RXRB: variants seen among roughly 807,000 people sequenced by gnomAD.
RXRB encodes retinoic acid receptor RXR-beta.
In RXRB, 18 loss-of-function variants were observed where a neutral mutation model predicts 52.5. The ratio of observed to expected loss-of-function variants is 0.34; its 90% CI spans 0.24 to 0.51. RXRB has a LOEUF of 0.51. Among genes scored for constraint, RXRB ranks in the 20% least tolerant of loss-of-function variants. The pLI is 0.97. For synonymous variants in RXRB, 233 were observed against 267.1 expected, an observed-to-expected ratio of 0.87 and a Z score of 1.25; for missense variants, 455 against 698.2, an observed-to-expected ratio of 0.65 and a Z score of 3.92.
At position 33,197,710 on chromosome 6, in the gene RXRB, A is replaced by G. The variant is rs1034022582; in HGVS notation, c.820+52T>C. ...CAGAGAGGTACACAGTCTGAGTGGG[A>G]TAAGGGAGAAGGGCATGTGGTCTAA... On this transcript the variant is annotated intron_variant, in intron 4 of 9. Coordinates refer to ENST00000374680, the MANE Select transcript of RXRB (RefSeq NM_021976.5). The surrounding 1 kb of genome is among the most constrained non-coding windows in gnomAD (Gnocchi z 4.4). 1.3e-6 allele frequency: 2 copies of G among 1,563,382 alleles called. No individual in the cohort carries two copies. Among genetic ancestry groups the G allele is most frequent in the Non-Finnish European group, 1.8e-6 (2 of 1,138,566 alleles).
Position 33,198,482 on chromosome 6 carries a change from G to A in RXRB, c.484-18C>T. The stretch of plus-strand genomic sequence containing the variant: ...GAGTTAATCTGGGATGGGGGAAATA[G>A]GGAAGTCACAGGAAGACTTATTGGG... On this transcript the variant is annotated intron_variant, in intron 2 of 9. Coordinates refer to ENST00000374680, the MANE Select transcript of RXRB (RefSeq NM_021976.5). 1 of 1,611,468 alleles carries A rather than the reference G, an allele frequency of 6.2e-7. No homozygotes were observed. The highest frequency in any genetic ancestry group is 1.1e-5 in the South Asian group (1 of 91,054).
Position 33,200,391 on chromosome 6 carries a change from T to C in RXRB, c.86A>G (p.His29Arg). 6.4e-7 allele frequency: 1 copy of C among 1,565,428 alleles called. No individual in the cohort carries two copies. Among genetic ancestry groups the C allele is most frequent in the Non-Finnish European group, 8.6e-7 (1 of 1,157,280 alleles). ...CGPVGVRKEM[H>R]CGVASRWRRR... ...CCGCCACCGGGACGCGACCCCACAA[T>C]GCATTTCTTTTCGCACCCCCACCGG... The change falls in exon 1 of 10, where the codon CAT (histidine) becomes CGT (arginine). Residue 29 changes from histidine (H) to arginine (R), a missense_variant. Coordinates refer to ENST00000374680, the MANE Select transcript of RXRB (RefSeq NM_021976.5). The surrounding 1 kb of genome is among the most constrained non-coding windows in gnomAD (Gnocchi z 6.3).
chr6:33,198,085 T>C lies in RXRB; in HGVS notation c.641-144A>G, dbSNP rs2744528. 2.9e-6 allele frequency: 3 copies of C among 1,050,808 alleles called. No individual in the cohort carries two copies. In the African/African-American group the frequency reaches 4.8e-5, roughly 17 times the overall value. 65.1% of individuals were successfully genotyped at this position (1,050,808 alleles called of 1,614,324 possible). On this transcript the variant is annotated intron_variant, in intron 3 of 9. Transcript: ENST00000374680. ...TAGGGAACCAGGAGCTGAGTGATGA[T>C]CCAGTCCCAGTCTCCTCACTGTTCA...
chr6:33,194,370 G>T lies in RXRB; in HGVS notation c.*312C>A. ...AAGATGAGAAGGAAGCAAGGTCCTGGAGGCAAGGCCAGTGCTTTGTGCTGG... is the reference window on the plus strand; with the variant it reads ...AAGATGAGAAGGAAGCAAGGTCCTGTAGGCAAGGCCAGTGCTTTGTGCTGG... On this transcript the variant is annotated 3_prime_UTR_variant, in exon 10 of 10. Coordinates refer to ENST00000374680, the MANE Select transcript of RXRB (RefSeq NM_021976.5). This position sits in a 1 kb window ranked among gnomAD's most constrained non-coding sequence, Gnocchi z 4.1. 1 of 337,324 alleles carries T rather than the reference G, an allele frequency of 3.0e-6. No homozygotes were observed. The allele number at this position is 337,324 out of a possible 1,614,324, so 20.9% of individuals were successfully genotyped here.
At position 33,197,724 on chromosome 6, in the gene RXRB, C is replaced by A. The variant is rs1214314506; in HGVS notation, c.820+38G>T. On this transcript the variant is annotated intron_variant, in intron 4 of 9. Coordinates refer to ENST00000374680, the MANE Select transcript of RXRB (RefSeq NM_021976.5). This position sits in a 1 kb window ranked among gnomAD's most constrained non-coding sequence, Gnocchi z 4.4. ...GTCTGAGTGGGATAAGGGAGAAGGG[C>A]ATGTGGTCTAAGACGCCTGGGCAGG... The A allele has an allele frequency of 6.2e-7, 1 of 1,600,352 alleles. No homozygotes were observed. Among genetic ancestry groups the A allele is most frequent in the Non-Finnish European group, 8.5e-7 (1 of 1,169,676 alleles).
chr6:33,196,586 G>C lies in RXRB; in HGVS notation c.841C>G (p.Arg281Gly). 6.2e-7 allele frequency: 1 copy of C among 1,605,838 alleles called. No individual in the cohort carries two copies. The highest frequency in any genetic ancestry group is 8.5e-7 in the Non-Finnish European group (1 of 1,175,992). The change falls in exon 5 of 10, where the codon CGG (arginine) becomes GGG (glycine). Residue 281 changes from arginine to glycine, a missense_variant. Arg to Gly is a moderately radical substitution (Grantham distance 125). This residue lies in a region of RXRB where 100 missense variants were observed against 141.9 expected (regional missense o/e 0.70). Transcript: ENST00000374680. The surrounding 1 kb of genome is among the most constrained non-coding windows in gnomAD (Gnocchi z 4.0). Reference sequence around the variant, plus strand: ...CCATCCCCATCCTTGTCCTTTCCCCGCTGACGCTCCTCCTGTACCGCTGCA... The same window carrying C: ...CCATCCCCATCCTTGTCCTTTCCCCCCTGACGCTCCTCCTGTACCGCTGCA... ...KREAVQEERQ[R>G]GKDKDGDGEG... is the part of the protein sequence containing the mutation.
intron 3 of RXRB, 60 bp from the exon 4 acceptor site, chr6:33,198,001 C>T: frequency 1.3e-6 from 2 of 1,550,640 alleles, no homozygotes; most frequent in Non-Finnish European, 1.8e-6. Flanking sequence ...ACCATTTAGT[C>T]TGTTTCCAAT....
Position 33,200,168 on chromosome 6 carries a change from C to CGGGGGAGGGTGT in RXRB, c.235+62_235+73dup. On this transcript the variant is annotated intron_variant, in intron 1 of 9. Transcript: ENST00000374680. This position sits in a 1 kb window ranked among gnomAD's most constrained non-coding sequence, Gnocchi z 6.3. ...GGCGGGAGCGCAAGGAAAAGAGCACCGGGGGAGGGTGTGGGGGAGGGGTCG... is the reference window on the plus strand; with the variant it reads ...GGCGGGAGCGCAAGGAAAAGAGCACCGGGGGAGGGTGTGGGGGAGGGTGTGGGGGAGGGGTCG... The CGGGGGAGGGTGT allele has an allele frequency of 6.4e-7, 1 of 1,563,702 alleles. No homozygotes were observed. Among genetic ancestry groups the CGGGGGAGGGTGT allele is most frequent in the Non-Finnish European group, 8.7e-7 (1 of 1,148,892 alleles).
Position 33,200,517 on chromosome 6 carries a change from G to C in RXRB, c.-41C>G, listed in dbSNP as rs1309808817. The C allele has an allele frequency of 1.9e-6, 3 of 1,543,678 alleles. No homozygotes were observed. Among genetic ancestry groups the C allele is most frequent in the South Asian group, 1.2e-5 (1 of 82,896 alleles). The stretch of plus-strand genomic sequence containing the variant: ...GTAGGGATACCGAAGAGGTCCCAGG[G>C]ATTCCCAAGGATTGATCGGAGGATT... On this transcript the variant is annotated 5_prime_UTR_variant, in exon 1 of 10. The change creates a new upstream start codon in the 5' untranslated region. Coordinates refer to ENST00000374680, the MANE Select transcript of RXRB (RefSeq NM_021976.5). This position sits in a 1 kb window ranked among gnomAD's most constrained non-coding sequence, Gnocchi z 6.3.
At chr6:33,199,882 AG>A in intron 1 of RXRB, 1 of 645,674 alleles carries the variant, frequency 1.5e-6, no homozygotes, top group South Asian at 1.4e-5. Flanking sequence ...CTCTATTCCC[AG>A]CGTAAAGCCA....
chr6:33,200,398 C>A lies in RXRB; in HGVS notation c.79G>T (p.Glu27Ter), dbSNP rs1279215697. The A allele has an allele frequency of 6.4e-7, 1 of 1,567,260 alleles. No individual in the cohort carries two copies. Among genetic ancestry groups the A allele is most frequent in the Non-Finnish European group, 8.6e-7 (1 of 1,158,068 alleles). The change falls in exon 1 of 10, where the codon GAA becomes TAA. Residue 27 changes from glutamate (E) to a stop codon, truncating the protein, a stop_gained. Coordinates refer to ENST00000374680, the MANE Select transcript of RXRB (RefSeq NM_021976.5). LOFTEE classifies it high-confidence loss of function. This position sits in a 1 kb window ranked among gnomAD's most constrained non-coding sequence, Gnocchi z 6.3. ...CGGGACGCGACCCCACAATGCATTT[C>A]TTTTCGCACCCCCACCGGCCCACAC... is the stretch of plus-strand genomic sequence containing the variant. The part of the protein sequence containing the change: ...GQCGPVGVRK[E>*]MHCGVASRWR...
chr6:33,195,040 G>A lies in RXRB; in HGVS notation c.1359C>T (p.Gly453=), dbSNP rs2150659223. Residue 453 remains glycine, a synonymous_variant, in exon 9 of 10, where the codon GGC becomes GGT. Coordinates refer to ENST00000374680, the MANE Select transcript of RXRB (RefSeq NM_021976.5). The surrounding 1 kb of genome is among the most constrained non-coding windows in gnomAD (Gnocchi z 8.6). ...CCTCCACCTCACTAGGGTTGGAGAG[G>A]CCCTTGGCATCTGGGATGGCAGGGA... ...AIILFNPDAK[G]LSNPSEVEVL... The A allele has an allele frequency of 6.2e-7, 1 of 1,610,952 alleles. No homozygotes were observed. The highest frequency in any genetic ancestry group is 8.5e-7 in the Non-Finnish European group (1 of 1,178,254).
rs2150659445 is a variant in RXRB, at chr6:33,195,109, CA to C, written c.1349-60del. On this transcript the variant is annotated intron_variant, in intron 8 of 9. Coordinates refer to ENST00000374680, the MANE Select transcript of RXRB (RefSeq NM_021976.5). The surrounding 1 kb of genome is among the most constrained non-coding windows in gnomAD (Gnocchi z 8.6). ...TGAAGACAAACCAAATCAGGATGGC[CA>C]TGCAGATGTGAGCCACAGGATGCCC... 1.6e-6 allele frequency: 2 copies of C among 1,265,130 alleles called. No individual in the cohort carries two copies. The highest frequency in any genetic ancestry group is 4.6e-5 in the East Asian group (2 of 43,180). 78.4% of individuals were successfully genotyped at this position (1,265,130 alleles called of 1,614,324 possible). A position where few individuals can be genotyped will look rare whatever the true frequency, so the allele number is the denominator to read the frequency against.
At position 33,200,559 on chromosome 6, in the gene RXRB, G is replaced by A. The variant is rs1377420287; in HGVS notation, c.-83C>T. 2.7e-6 allele frequency: 4 copies of A among 1,497,358 alleles called. No homozygotes were observed. Among genetic ancestry groups the A allele is most frequent in the Non-Finnish European group, 3.6e-6 (4 of 1,123,738 alleles). The allele number at this position is 1,497,358 out of a possible 1,614,324, so 92.8% of individuals were successfully genotyped here. ...CGGAGGATTAGCTGAGCACGAGGAA[G>A]CCCCTGAGAGAAAGACTCTGGCCTG... On this transcript the variant is annotated 5_prime_UTR_variant, in exon 1 of 10. Coordinates refer to ENST00000374680, the MANE Select transcript of RXRB (RefSeq NM_021976.5). The surrounding 1 kb of genome is among the most constrained non-coding windows in gnomAD (Gnocchi z 6.3).
rs1386979715 is a variant in RXRB at position 33,197,207 on chromosome 6, T to C, written c.820+555A>G. Among the ~76,000 whole-genome samples the C allele has an allele frequency of 6.6e-6, 1 of 152,244 alleles. No homozygotes were observed. Among genetic ancestry groups the C allele is most frequent in the African/African-American group, 2.4e-5 (1 of 41,470 alleles). On this transcript the variant is annotated intron_variant, in intron 4 of 9. Transcript: ENST00000374680. This position sits in a 1 kb window ranked among gnomAD's most constrained non-coding sequence, Gnocchi z 4.4. ...CCAAACCTGCCTGCCACTCCTTTGTTGCATGACCTTGGGAAAGCCAAGCCT... is the reference window on the plus strand; with the variant it reads ...CCAAACCTGCCTGCCACTCCTTTGTCGCATGACCTTGGGAAAGCCAAGCCT...
chr6:33,196,095 G>GT lies in RXRB; in HGVS notation c.994-60dup. ...TTTGAGATATGCTGGGAGCCCCCTTGTAAGAGGCTTTTGACACCCCCTCCT... is the reference window on the plus strand; with the variant it reads ...TTTGAGATATGCTGGGAGCCCCCTTGTTAAGAGGCTTTTGACACCCCCTCCT... On this transcript the variant is annotated intron_variant, in intron 5 of 9. Transcript: ENST00000374680. The surrounding 1 kb of genome is among the most constrained non-coding windows in gnomAD (Gnocchi z 4.0). 1 of 1,606,156 alleles carries GT rather than the reference G, an allele frequency of 6.2e-7. No individual in the cohort carries two copies. The highest frequency in any genetic ancestry group is 8.5e-7 in the Non-Finnish European group (1 of 1,174,932).
In RXRB at chr6:33,195,801, G is replaced by T; in HGVS notation, c.1124-99C>A. ...AGAAAAGAGGTGGCGAGGTCAGCAA[G>T]TTTGGCTCCCTGGGTACGCAAGGTA... is the stretch of plus-strand genomic sequence containing the variant. On this transcript the variant is annotated intron_variant, in intron 6 of 9. Transcript: ENST00000374680. The surrounding 1 kb of genome is among the most constrained non-coding windows in gnomAD (Gnocchi z 8.6). The T allele has an allele frequency of 6.3e-7, 1 of 1,598,674 alleles. No homozygotes were observed. The highest frequency in any genetic ancestry group is 8.5e-7 in the Non-Finnish European group (1 of 1,171,960).
chr6:33,195,057 T>C lies in RXRB; in HGVS notation c.1349-7A>G. 1 of 1,594,826 alleles carries C rather than the reference T, an allele frequency of 6.3e-7. No individual in the cohort carries two copies. The highest frequency in any genetic ancestry group is 8.6e-7 in the Non-Finnish European group (1 of 1,163,650). On this transcript the variant is annotated splice_region_variant and splice_polypyrimidine_tract_variant and intron_variant, in intron 8 of 9. Transcript: ENST00000374680. The surrounding 1 kb of genome is among the most constrained non-coding windows in gnomAD (Gnocchi z 8.6). ...TTGGAGAGGCCCTTGGCATCTGGGA[T>C]GGCAGGGAAGAGAGGAGGAAGAGAA...
At position 33,196,719 on chromosome 6, in the gene RXRB, T is replaced by C. The variant is rs1347437122; in HGVS notation, c.821-113A>G. The C allele has an allele frequency of 1.0e-6, 1 of 995,844 alleles. No homozygotes were observed. The highest frequency in any genetic ancestry group is 1.6e-5 in the African/African-American group (1 of 61,592). 61.7% of individuals were successfully genotyped at this position (995,844 alleles called of 1,614,324 possible). ...TCTCATGGCCCTTGGGAGATATTTA[T>C]AGGAATTGGGGAAGTCACTAGAAAG... On this transcript the variant is annotated intron_variant, in intron 4 of 9. Transcript: ENST00000374680. The surrounding 1 kb of genome is among the most constrained non-coding windows in gnomAD (Gnocchi z 4.0).
Sources: allele counts gnomAD v4.1 joint callset (sites outside exome capture counted in the v4.1 genomes callset), GRCh38; gene constraint gnomAD v4.1.1; regional missense constraint gnomAD v4.1.1; non-coding constraint Gnocchi (gnomAD v3.1); transcripts MANE v1.5; gene names NCBI Gene and HGNC (gene_info 2026-07-23, HGNC 2026-07-21).